The following MACROD2 variants were observed in gnomAD, a reference collection of about 807,000 sequenced individuals.
The protein encoded by MACROD2 is ADP-ribose glycohydrolase MACROD2.
In MACROD2, 36 loss-of-function variants were observed where a neutral mutation model predicts 70.4. That is an observed-to-expected ratio of 0.51 (90% confidence interval 0.39 to 0.68). The LOEUF is 0.68. Ranked by LOEUF, MACROD2 falls within the 30% of genes least tolerant of loss-of-function variation. The pLI is 0.00. For missense variants in MACROD2, 496 were observed against 538.4 expected, an observed-to-expected ratio of 0.92 and a Z score of 0.78; for synonymous variants, 172 against 178.8, an observed-to-expected ratio of 0.96 and a Z score of 0.30.
chr20:15,317,721 A>C lies in MACROD2; in HGVS notation c.540+87660A>C, dbSNP rs1259705564. On this transcript the variant is annotated intron_variant, in intron 6 of 17. Transcript: ENST00000684519. The stretch of plus-strand genomic sequence containing the variant: ...TTGAGTCTAAAGGCAGAAAAATAGC[A>C]ATGTTTCAGCTAAAGGTAGTCAAGC... Among the ~76,000 whole-genome samples, 4 of 151,886 alleles carry C rather than the reference A, an allele frequency of 2.6e-5. No individual in the cohort carries two copies. In the East Asian group the frequency reaches 7.8e-4, roughly 29 times the overall value.
chr20:15,224,470 CT>C (rs2076888063), intron 5 of MACROD2, among the ~76,000 whole-genome samples: 1 of 152,216 alleles, frequency 6.6e-6, no homozygotes, highest in South Asian at 2.1e-4. Flanking sequence ...CTGTCATTAT[CT>C]CCCCACATTG....
chr20:14,456,990 C>G (rs865824018), intron 3 of MACROD2, among the ~76,000 whole-genome samples: 1 of 151,980 alleles, frequency 6.6e-6, no homozygotes, highest in African/African-American at 2.4e-5. Context: ...TTCCGTTGGA[C>G]TTTATTTTGC....
intron 3 of MACROD2, among the ~76,000 whole-genome samples, chr20:14,480,892 T>A (rs1485783628): frequency 6.6e-6 from 1 of 152,162 alleles, no homozygotes; most frequent in African/African-American, 2.4e-5. Context: ...ATTTATTTCA[T>A]CCTTGAACAA....
intron 8 of MACROD2, among the ~76,000 whole-genome samples, chr20:15,808,037 T>G (rs2147082192): frequency 6.6e-6 from 1 of 152,274 alleles, no homozygotes; most frequent in South Asian, 2.1e-4. Context: ...ATTACCGGTG[T>G]GTGCATCCCC....
In MACROD2 at chr20:15,293,161, G is replaced by A. The variant is rs142953757; in HGVS notation, c.540+63100G>A. On this transcript the variant is annotated intron_variant, in intron 6 of 17. Transcript: ENST00000684519. ...CTTTAAGGGCTACATAGAATAAGTC[G>A]ATAATCCCTGCCACATGGCATCTCT... is the stretch of plus-strand genomic sequence containing the variant. Among the ~76,000 whole-genome samples, 115 of 152,296 alleles carry A rather than the reference G, an allele frequency of 7.6e-4. No individual in the cohort carries two copies. In the East Asian group the frequency reaches 8.7e-3, roughly 12 times the overall value.
At chr20:15,561,584 TC>T (rs1248628112) in intron 8 of MACROD2, among the ~76,000 whole-genome samples, 1 of 152,184 alleles carries the variant, frequency 6.6e-6, no homozygotes, top group Non-Finnish European at 1.5e-5. Flanking sequence ...TAGGGTATTT[TC>T]CTTTATCCTT....
intron 12 of MACROD2, among the ~76,000 whole-genome samples, chr20:15,954,438 A>C (rs1333646609): frequency 6.6e-6 from 1 of 151,974 alleles, no homozygotes; most frequent in African/African-American, 2.4e-5. Flanking sequence ...GCTTTATAAC[A>C]CTCACTGCCA....
At chr20:15,876,841 G>A (rs1294139581) in intron 9 of MACROD2, among the ~76,000 whole-genome samples, 4 of 152,054 alleles carry the variant, frequency 2.6e-5, no homozygotes, top group African/African-American at 7.2e-5. Context: ...TTGTGGTTTT[G>A]ATTTGCATTT....
chr20:14,694,510 G>C (rs2071099363), intron 5 of MACROD2, among the ~76,000 whole-genome samples: 1 of 152,098 alleles, frequency 6.6e-6, no homozygotes, highest in African/African-American at 2.4e-5. Flanking sequence ...TTTAATAACT[G>C]TTAAGTGAGA....
intron 3 of MACROD2, among the ~76,000 whole-genome samples, chr20:14,488,640 A>C (rs2123094268): frequency 6.6e-6 from 1 of 152,288 alleles, no homozygotes; most frequent in South Asian, 2.1e-4. Context: ...GTTAAGAGGA[A>C]GTTACTATTA....
chr20:14,454,959 A>G (rs2084284997), intron 3 of MACROD2, among the ~76,000 whole-genome samples: 1 of 151,832 alleles, frequency 6.6e-6, no homozygotes, highest in African/African-American at 2.4e-5. Context: ...TCACCGTGTT[A>G]GCCAGGATGG....
At chr20:15,793,346 A>C (rs2147059588) in intron 8 of MACROD2, among the ~76,000 whole-genome samples, 1 of 152,242 alleles carries the variant, frequency 6.6e-6, no homozygotes, top group Admixed American at 6.5e-5. Flanking sequence ...TTCCCAGGTG[A>C]TACTGCTGCC....
chr20:14,294,329 G>C (rs115171483), intron 3 of MACROD2, among the ~76,000 whole-genome samples: 33 of 150,972 alleles, frequency 2.2e-4, no homozygotes, highest in African/African-American at 8.1e-4. Context: ...TAGATGAATA[G>C]TTTGTAGAAT....
chr20:14,049,225 T>G (rs2053527338), intron 2 of MACROD2, among the ~76,000 whole-genome samples: 1 of 147,532 alleles, frequency 6.8e-6, no homozygotes, highest in African/African-American at 2.5e-5. Flanking sequence ...GCATTAGGTA[T>G]TAAGAAGGGT....
chr20:15,708,985 T>A (rs2050582207), intron 8 of MACROD2, among the ~76,000 whole-genome samples: 1 of 152,070 alleles, frequency 6.6e-6, no homozygotes, highest in Admixed American at 6.5e-5. Context: ...ATGACTGCAC[T>A]CCAACCCGGG....
At chr20:15,866,950 TA>T (rs951718474) in intron 9 of MACROD2, among the ~76,000 whole-genome samples, 2 of 152,150 alleles carry the variant, frequency 1.3e-5, no homozygotes, top group Non-Finnish European at 2.9e-5. Context: ...GTCAGGCCTC[TA>T]AAAACAAAGT....
chr20:15,539,828 A>C (rs1162870354), intron 8 of MACROD2, among the ~76,000 whole-genome samples: 1 of 152,204 alleles, frequency 6.6e-6, no homozygotes, highest in Non-Finnish European at 1.5e-5. Context: ...TCTACTAAAA[A>C]ATACAAAAAA....
At chr20:15,977,351 A>G (rs2066322512) in intron 13 of MACROD2, among the ~76,000 whole-genome samples, 1 of 152,220 alleles carries the variant, frequency 6.6e-6, no homozygotes, top group Non-Finnish European at 1.5e-5. Flanking sequence ...CTAGGAGATT[A>G]TCTCGTTCCA....
chr20:16,001,275 A>C (rs555722368), intron 15 of MACROD2, among the ~76,000 whole-genome samples: 2 of 152,308 alleles, frequency 1.3e-5, no homozygotes, highest in Non-Finnish European at 2.9e-5. Flanking sequence ...TTTACCTTTC[A>C]ATGTGTTTTT....
Sources: allele counts gnomAD v4.1 joint callset (sites outside exome capture counted in the v4.1 genomes callset), GRCh38; gene constraint gnomAD v4.1.1; transcripts MANE v1.5; gene names NCBI Gene and HGNC (gene_info 2026-07-23, HGNC 2026-07-21).